The following BMX variants were observed in gnomAD, a reference collection of about 807,000 sequenced individuals.
The protein encoded by BMX is BMX non-receptor tyrosine kinase.
BMX carries 31 observed loss-of-function variants against 59.2 expected under a neutral mutation model. The observed-to-expected ratio is 0.52, with a 90% CI of 0.39 to 0.71. BMX has a LOEUF of 0.71. BMX is among the 30% of genes least tolerant of loss of function. The pLI, the probability that BMX is intolerant of heterozygous loss-of-function variation, is 0.00. For synonymous variants in BMX, 185 were observed against 181.0 expected, an observed-to-expected ratio of 1.02 and a Z score of -0.18; for missense variants, 474 against 491.7, an observed-to-expected ratio of 0.96 and a Z score of 0.34.
Position 15,556,294 on chromosome X carries a change from C to A in BMX, c.*147C>A. 2.0e-6 allele frequency: 1 copy of A among 506,564 alleles called. No homozygotes were observed. Among genetic ancestry groups the A allele is most frequent in the Non-Finnish European group, 3.0e-6 (1 of 335,295 alleles). 41.7% of individuals were successfully genotyped at this position (506,564 alleles called of 1,213,427 possible). Reference sequence around the variant, plus strand: ...GTCTATTATTTAGAAATGAACAAGGCAGGAAACAAAAGATTCCCTTGAAAT... The same window carrying A: ...GTCTATTATTTAGAAATGAACAAGGAAGGAAACAAAAGATTCCCTTGAAAT... On this transcript the variant is annotated 3_prime_UTR_variant, in exon 19 of 19. Coordinates refer to ENST00000348343, the MANE Select transcript of BMX (RefSeq NM_203281.3).
intron 6 of BMX, 74 bp downstream of exon 6, chrX:15,518,067 C>A: frequency 1.1e-6 from 1 of 888,594 alleles, no homozygotes; most frequent in Non-Finnish European, 1.6e-6. Flanking sequence ...AGATTCAAGA[C>A]TAGAAAATGT....
rs750758237 is a variant in BMX at position 15,542,126 on chromosome X, C to G, written c.1539C>G (p.Leu513=). Residue 513 remains leucine (L), a synonymous_variant, in exon 15 of 19, where the codon CTC becomes CTG. Coordinates refer to ENST00000348343, the MANE Select transcript of BMX (RefSeq NM_203281.3). ...GAAAAGGACTTGAACCTTCCCAGCT[C>G]TTAGAAATGTGCTACGATGTCTGTG... ...SHGKGLEPSQ[L]LEMCYDVCEG... 26 of 1,211,532 alleles carry G rather than the reference C, an allele frequency of 2.1e-5. No individual in the cohort carries two copies. Among genetic ancestry groups the G allele is most frequent in the Non-Finnish European group, 2.8e-5 (25 of 895,356 alleles).
chrX:15,551,568 A>G (rs1926201958), intron 18 of BMX, among the ~76,000 whole-genome samples: 1 of 107,273 alleles, frequency 9.3e-6, no homozygotes, highest in Non-Finnish European at 1.9e-5. Context: ...CAAAGCATCT[A>G]TGCACCAGGC....
Position 15,531,426 on chromosome X carries a change from A to C in BMX, c.1019+19A>C, listed in dbSNP as rs1050280561. The stretch of plus-strand genomic sequence containing the variant: ...CTGTGAAGTAAGTATGATACGGATT[A>C]ATTTCTTTTCTCTTTCTGCGTATAT... On this transcript the variant is annotated intron_variant, in intron 11 of 18. Transcript: ENST00000348343. 5 of 1,134,340 alleles carry C rather than the reference A, an allele frequency of 4.4e-6. No homozygotes were observed. Among genetic ancestry groups the C allele is most frequent in the Non-Finnish European group, 6.0e-6 (5 of 831,373 alleles). The allele number at this position is 1,134,340 out of a possible 1,213,427, so 93.5% of individuals were successfully genotyped here.
intron 1 of BMX, among the ~76,000 whole-genome samples, chrX:15,501,434 C>G (rs188455010): frequency 8.9e-6 from 1 of 112,315 alleles, no homozygotes; most frequent in Admixed American, 9.4e-5. Flanking sequence ...AAATCAAGTG[C>G]TTTGTGTATT....
chrX:15,502,695 T>C (rs1923610561), intron 1 of BMX, among the ~76,000 whole-genome samples: 1 of 112,595 alleles, frequency 8.9e-6, no homozygotes, highest in Admixed American at 9.4e-5. Context: ...TCAGGTTCTG[T>C]GAAGCCAGTA....
At chrX:15,536,295 C>G in intron 12 of BMX, 58 bp from the exon 13 acceptor site, 1 of 1,127,356 alleles carries the variant, frequency 8.9e-7, no homozygotes, top group African/African-American at 1.8e-5. Flanking sequence ...ACCAATGTTA[C>G]ATAATGTGAT....
intron 14 of BMX, among the ~76,000 whole-genome samples, chrX:15,539,068 G>C (rs1022373358): frequency 7.2e-5 from 8 of 111,097 alleles, no homozygotes; most frequent in Admixed American, 6.7e-4. Context: ...TTATGTAACT[G>C]GTTCTGCCTT....
chrX:15,547,029 C>G lies in BMX; in HGVS notation c.1795+108C>G, dbSNP rs778055339. ...TTTTAAAAGGGCCCTTGAACACTTA[C>G]GAAGTTACACATATAGCCTGAGAGA... On this transcript the variant is annotated intron_variant, in intron 17 of 18. Coordinates refer to ENST00000348343, the MANE Select transcript of BMX (RefSeq NM_203281.3). The G allele has an allele frequency of 3.2e-4, 195 of 615,378 alleles. 1 individual carries two copies. In the South Asian group the frequency reaches 3.8e-3, roughly 12 times the overall value. The allele number at this position is 615,378 out of a possible 1,213,427, so 50.7% of individuals were successfully genotyped here. A position where few individuals can be genotyped will look rare whatever the true frequency, so the allele number is the denominator to read the frequency against.
intron 3 of BMX, among the ~76,000 whole-genome samples, chrX:15,510,306 C>T (rs1020490746): frequency 8.3e-4 from 93 of 111,486 alleles, no homozygotes; most frequent in African/African-American, 2.9e-3. Context: ...CTACCCAGTG[C>T]TAGTATTAGG....
chrX:15,547,875 A>T (rs1328748247), intron 17 of BMX, among the ~76,000 whole-genome samples: 1 of 111,999 alleles, frequency 8.9e-6, no homozygotes, highest in Admixed American at 9.5e-5. Flanking sequence ...AGGATAAGTA[A>T]TCCAAATGTG....
intron 13 of BMX, 61 bp from the exon 14 acceptor site, chrX:15,537,073 A>G: frequency 8.9e-7 from 1 of 1,122,916 alleles, no homozygotes; most frequent in Non-Finnish European, 1.2e-6. Context: ...ATCACTTGGG[A>G]AGCTGTTAGC....
intron 8 of BMX, 72 bp downstream of exon 8, chrX:15,525,437 AT>A: frequency 9.7e-7 from 1 of 1,035,762 alleles, no homozygotes; most frequent in Non-Finnish European, 1.3e-6. Flanking sequence ...CAAACTTGCA[AT>A]AATTTTGCAG....
chrX:15,506,156 T>G (rs1184310462), intron 1 of BMX, among the ~76,000 whole-genome samples: 1 of 111,043 alleles, frequency 9.0e-6, no homozygotes, highest in Non-Finnish European at 1.9e-5. Flanking sequence ...CCTCCTAATG[T>G]GCAATATGCT....
chrX:15,534,374 G>T, intron 12 of BMX, 35 bp downstream of exon 12: 1 of 1,116,242 alleles, frequency 9.0e-7, no homozygotes, highest in Non-Finnish European at 1.2e-6. Context: ...ATGGGCCCTT[G>T]TTGTAAAACA....
chrX:15,551,037 A>G (rs1011943752), intron 18 of BMX, among the ~76,000 whole-genome samples: 11 of 111,324 alleles, frequency 9.9e-5, no homozygotes, highest in African/African-American at 3.3e-4. Context: ...CTATCGTTGG[A>G]AGGGCTGGAG....
chrX:15,544,332 A>G (rs1021555788), intron 16 of BMX, among the ~76,000 whole-genome samples: 1 of 110,161 alleles, frequency 9.1e-6, no homozygotes, highest in African/African-American at 3.3e-5. Context: ...TTAGCTGTGT[A>G]CTAGCTACCG....
At chrX:15,501,882 T>C (rs1317600358) in intron 1 of BMX, among the ~76,000 whole-genome samples, 1 of 111,889 alleles carries the variant, frequency 8.9e-6, no homozygotes, top group African/African-American at 3.3e-5. Flanking sequence ...TGGCAATACA[T>C]GAGGAGGTCT....
Position 15,508,428 on chromosome X carries a change from T to C in BMX, c.75T>C (p.Asn25=), listed in dbSNP as rs759407744. Residue 25 remains asparagine, a synonymous_variant, in exon 2 of 19, where the codon AAT becomes AAC. Coordinates refer to ENST00000348343, the MANE Select transcript of BMX (RefSeq NM_203281.3). ...SQQKKKMSPN[N]YKERLFVLTK... ...AAAAGAAGAAAATGTCACCAAATAA[T>C]TACAAAGAACGGCTTTTTGTTTTGA... 25 of 1,189,335 alleles carry C rather than the reference T, an allele frequency of 2.1e-5. No individual in the cohort carries two copies. The highest frequency in any genetic ancestry group is 2.7e-5 in the Non-Finnish European group (24 of 883,182).
Sources: gnomAD v4.1 joint callset for allele counts (sites outside exome capture counted in the v4.1 genomes callset) on GRCh38, gnomAD v4.1.1 for gene constraint, MANE v1.5 for transcripts, NCBI Gene and HGNC (gene_info 2026-07-23, HGNC 2026-07-21) for gene names.